TLL1: variants seen among roughly 807,000 people sequenced by gnomAD.
The protein encoded by TLL1 is tolloid like 1.
Under a neutral mutation model 128.2 loss-of-function variants are expected in TLL1, and 49 were observed. The observed-to-expected ratio is 0.38, with a 90% CI of 0.30 to 0.48. TLL1 has a LOEUF of 0.48. Among genes scored for constraint, TLL1 ranks in the 20% least tolerant of loss-of-function variants. The pLI, the probability that TLL1 is intolerant of heterozygous loss-of-function variation, is 0.96. For synonymous variants in TLL1, 454 were observed against 418.8 expected (o/e 1.08, Z -1.03); for missense variants, 1,123 against 1,242.0 (o/e 0.90, Z 1.44).
At chr4:166,048,448 T>C (rs939634858) in intron 12 of TLL1, among the ~76,000 whole-genome samples, 2 of 152,176 alleles carry the variant, frequency 1.3e-5, no homozygotes, top group South Asian at 2.1e-4. Flanking sequence ...AATGGACTAA[T>C]ACAGGAAGTT....
intron 15 of TLL1, among the ~76,000 whole-genome samples, chr4:166,062,163 C>G (rs1177111893): frequency 2.0e-5 from 3 of 152,112 alleles, no homozygotes; most frequent in African/African-American, 7.2e-5. Flanking sequence ...ATGCCTCCAG[C>G]TTTGTTCTTT....
intron 11 of TLL1, 36 bp from the exon 12 acceptor site, chr4:166,043,238 G>A: frequency 6.2e-7 from 1 of 1,613,630 alleles, no homozygotes; most frequent in Non-Finnish European, 8.5e-7. Flanking sequence ...AGCATGTCCA[G>A]GCTTAGTTAT....
chr4:166,003,296 A>T, intron 5 of TLL1, 95 bp from the exon 6 acceptor site: 1 of 1,260,360 alleles, frequency 7.9e-7, no homozygotes, highest in South Asian at 1.2e-5. Flanking sequence ...GTCGGACTTT[A>T]TAGCTCATCA....
At chr4:165,960,701 T>G (rs899787715) in intron 1 of TLL1, among the ~76,000 whole-genome samples, 6 of 151,944 alleles carry the variant, frequency 3.9e-5, no homozygotes, top group Non-Finnish European at 7.4e-5. Context: ...AAACACAATT[T>G]AAGAATATAT....
intron 1 of TLL1, among the ~76,000 whole-genome samples, chr4:165,985,026 A>G (rs964861456): frequency 6.6e-6 from 1 of 151,914 alleles, no homozygotes; most frequent in Non-Finnish European, 1.5e-5. Flanking sequence ...GTATGTTCTC[A>G]TTCACATTTT....
At chr4:166,019,094 T>C (rs995491526) in intron 8 of TLL1, among the ~76,000 whole-genome samples, 2 of 152,144 alleles carry the variant, frequency 1.3e-5, no homozygotes, top group Non-Finnish European at 2.9e-5. Flanking sequence ...TAAAATGTGG[T>C]ACCTATAGAC....
chr4:166,054,227 C>A (rs1031715399), intron 12 of TLL1, among the ~76,000 whole-genome samples: 10 of 152,066 alleles, frequency 6.6e-5, no homozygotes, highest in Non-Finnish European at 1.5e-4. Context: ...ATATAGTAGT[C>A]TTTCTCTACA....
At chr4:165,956,650 A>T (rs911398049) in intron 1 of TLL1, among the ~76,000 whole-genome samples, 2 of 149,104 alleles carry the variant, frequency 1.3e-5, no homozygotes. Context: ...TATTGTTCAA[A>T]CACACGTTTT....
At chr4:165,936,457 C>T (rs1338957764) in intron 1 of TLL1, among the ~76,000 whole-genome samples, 1 of 151,498 alleles carries the variant, frequency 6.6e-6, no homozygotes, top group Non-Finnish European at 1.5e-5. Flanking sequence ...GGTGATCCGC[C>T]TGCCTCGCCC....
chr4:165,905,337 A>G lies in TLL1; in HGVS notation c.169+31264A>G, dbSNP rs570907822. On this transcript the variant is annotated intron_variant, in intron 1 of 20. Coordinates refer to ENST00000061240, the MANE Select transcript of TLL1 (RefSeq NM_012464.5). Reference sequence around the variant, plus strand: ...AGGTGAATGAGTAAACAAAATGTACATGTTAGAACGTGGATTACTTTATGT... The same window carrying G: ...AGGTGAATGAGTAAACAAAATGTACGTGTTAGAACGTGGATTACTTTATGT... Among the ~76,000 whole-genome samples the G allele has an allele frequency of 8.1e-4, 123 of 152,334 alleles. 1 individual carries two copies. Among genetic ancestry groups the G allele is most frequent in the African/African-American group, 2.8e-3 (116 of 41,564 alleles).
intron 15 of TLL1, among the ~76,000 whole-genome samples, chr4:166,065,288 T>A (rs1481669382): frequency 6.6e-6 from 1 of 152,078 alleles, no homozygotes; most frequent in Non-Finnish European, 1.5e-5. Context: ...TTATTATACA[T>A]CAAGTATCCA....
At chr4:165,920,987 T>A (rs570391284) in intron 1 of TLL1, among the ~76,000 whole-genome samples, 2 of 152,338 alleles carry the variant, frequency 1.3e-5, no homozygotes, top group South Asian at 2.1e-4. Flanking sequence ...ATTGAGTCTA[T>A]CCTGTAACAC....
chr4:165,967,835 G>A (rs1735461532), intron 1 of TLL1, among the ~76,000 whole-genome samples: 1 of 152,146 alleles, frequency 6.6e-6, no homozygotes. Context: ...CAAAGCTGAT[G>A]TACTAAGATA....
intron 1 of TLL1, among the ~76,000 whole-genome samples, chr4:165,947,508 T>C (rs1271341365): frequency 6.6e-6 from 1 of 152,102 alleles, no homozygotes; most frequent in African/African-American, 2.4e-5. Flanking sequence ...TTAATGATTT[T>C]AGAAATTTTC....
At chr4:166,060,858 A>C (rs1402140484) in intron 15 of TLL1, among the ~76,000 whole-genome samples, 2 of 152,178 alleles carry the variant, frequency 1.3e-5, no homozygotes, top group Admixed American at 1.3e-4. Flanking sequence ...TTAGAAAAAC[A>C]TCCTTTGTGT....
At chr4:166,067,137 G>T (rs558489088) in intron 16 of TLL1, among the ~76,000 whole-genome samples, 1 of 151,584 alleles carries the variant, frequency 6.6e-6, no homozygotes, top group African/African-American at 2.4e-5. Context: ...CCAACATTAC[G>T]CAATATACCC....
intron 6 of TLL1, among the ~76,000 whole-genome samples, chr4:166,005,147 C>T (rs1737359754): frequency 1.3e-5 from 2 of 151,862 alleles, no homozygotes; most frequent in African/African-American, 4.8e-5. Flanking sequence ...ATGTTGGTAC[C>T]ATCACATGAA....
intron 1 of TLL1, among the ~76,000 whole-genome samples, chr4:165,978,362 G>T (rs1401119190): frequency 6.6e-6 from 1 of 151,764 alleles, no homozygotes; most frequent in African/African-American, 2.4e-5. Context: ...GATAATTCCA[G>T]TTCATTTTTG....
rs1467368533 is a variant in TLL1 at position 165,874,038 on chromosome 4, CAG to C, written c.138_139del (p.Glu46AspfsTer9). The C allele has an allele frequency of 6.2e-7, 1 of 1,614,054 alleles. No homozygotes were observed. Among genetic ancestry groups the C allele is most frequent in the Non-Finnish European group, 8.5e-7 (1 of 1,180,040 alleles). Reference sequence around the variant, plus strand: ...TTTGATGGGAACGAAGAGGATAAAACAGAGACTATAGATTACAAGGACCCGTG... The same window carrying C: ...TTTGATGGGAACGAAGAGGATAAAACAGACTATAGATTACAAGGACCCGTG... On this transcript the variant is annotated frameshift_variant, in exon 1 of 21. Coordinates refer to ENST00000061240, the MANE Select transcript of TLL1 (RefSeq NM_012464.5). LOFTEE classifies it high-confidence loss of function.
Sources: allele counts gnomAD v4.1 joint callset (sites outside exome capture counted in the v4.1 genomes callset), GRCh38; gene constraint gnomAD v4.1.1; transcripts MANE v1.5; gene names NCBI Gene and HGNC (gene_info 2026-07-23, HGNC 2026-07-21).